The following FYB1 variants were observed in gnomAD, a reference collection of about 807,000 sequenced individuals.
FYB1 encodes FYN-binding protein 1.
Under a neutral mutation model 94.1 loss-of-function variants are expected in FYB1, and 41 were observed. That is an observed-to-expected ratio of 0.44 (90% confidence interval 0.34 to 0.57). The LOEUF (loss-of-function observed/expected upper bound fraction) is 0.57. FYB1 is among the 20% of genes least tolerant of loss of function. The pLI, the probability that FYB1 is intolerant of heterozygous loss-of-function variation, is 0.02. For missense variants in FYB1, 1,050 were observed against 976.8 expected, an observed-to-expected ratio of 1.07 and a Z score of -1.00; for synonymous variants, 367 against 353.2, an observed-to-expected ratio of 1.04 and a Z score of -0.44.
chr5:39,115,592 T>C (rs950479087), intron 16 of FYB1, among the ~76,000 whole-genome samples: 5 of 152,044 alleles, frequency 3.3e-5, no homozygotes, highest in African/African-American at 1.2e-4. Flanking sequence ...AGGGCAAAGA[T>C]AGACATATCA....
chr5:39,220,135 G>A (rs1325030925), upstream of FYB1, among the ~76,000 whole-genome samples: 2 of 152,138 alleles, frequency 1.3e-5, no homozygotes, highest in African/African-American at 2.4e-5. Context: ...GGGGCTGAGT[G>A]TAGTGGGTCA....
At chr5:39,258,154 T>TG (rs1752046253) in intron 1 of FYB1, among the ~76,000 whole-genome samples, 1 of 152,176 alleles carries the variant, frequency 6.6e-6, no homozygotes, top group Non-Finnish European at 1.5e-5. Flanking sequence ...CTTAATAGGT[T>TG]GGAGTAGGGG....
At chr5:39,159,132 G>A (rs1200710649) in intron 2 of FYB1, among the ~76,000 whole-genome samples, 1 of 152,146 alleles carries the variant, frequency 6.6e-6, no homozygotes, top group Non-Finnish European at 1.5e-5. Flanking sequence ...AGGCTGAGGG[G>A]TGCCACATAT....
intron 2 of FYB1, among the ~76,000 whole-genome samples, chr5:39,187,591 C>T (rs1274269723): frequency 6.6e-6 from 1 of 152,146 alleles, no homozygotes; most frequent in Admixed American, 6.5e-5. Context: ...GTGTTTTTAG[C>T]TCCTCTCATC....
intron 2 of FYB1, among the ~76,000 whole-genome samples, chr5:39,186,285 G>A (rs1032500160): frequency 1.3e-5 from 2 of 152,112 alleles, no homozygotes; most frequent in Non-Finnish European, 2.9e-5. Flanking sequence ...TTAGCTGGGC[G>A]TGGTGGCACA....
At chr5:39,165,752 C>T (rs1744669677) in intron 2 of FYB1, among the ~76,000 whole-genome samples, 2 of 152,144 alleles carry the variant, frequency 1.3e-5, no homozygotes, top group Admixed American at 6.5e-5. Context: ...ACAAAGGACT[C>T]ATATCCAGAA....
chr5:39,139,059 TGAC>T, intron 5 of FYB1, 171 bp downstream of exon 5: 1 of 671,592 alleles, frequency 1.5e-6, no homozygotes, highest in Non-Finnish European at 2.4e-6. Flanking sequence ...GTCAGTGTGA[TGAC>T]TAGTGTGTAA....
intron 7 of FYB1, among the ~76,000 whole-genome samples, chr5:39,135,644 C>T (rs1290930883): frequency 6.6e-6 from 1 of 152,134 alleles, no homozygotes; most frequent in East Asian, 1.9e-4. Context: ...TTTCTTGAAT[C>T]TTTTGATATG....
intron 1 of FYB1, among the ~76,000 whole-genome samples, chr5:39,234,820 C>T (rs970244725): frequency 1.1e-4 from 16 of 151,768 alleles, no homozygotes; most frequent in Non-Finnish European, 2.2e-4. Context: ...TGTTCTTACT[C>T]ATAAGTGGGA....
chr5:39,162,380 A>T (rs947468155), intron 2 of FYB1, among the ~76,000 whole-genome samples: 5 of 152,174 alleles, frequency 3.3e-5, no homozygotes, highest in Non-Finnish European at 7.4e-5. Flanking sequence ...AGGTCAAAAG[A>T]ACTGAGCATT....
chr5:39,182,705 T>C (rs1246031438), intron 2 of FYB1, among the ~76,000 whole-genome samples: 1 of 152,200 alleles, frequency 6.6e-6, no homozygotes, highest in Non-Finnish European at 1.5e-5. Context: ...ATGGGTGATG[T>C]CAAATATATT....
At chr5:39,224,392 G>A (rs73072554), upstream of FYB1, among the ~76,000 whole-genome samples, 1,526 of 152,258 alleles carry the variant, frequency 0.01, 24 homozygotes, top group African/African-American at 0.035. Context: ...TGCTCACCCA[G>A]GGAGTGGCCT....
intron 2 of FYB1, among the ~76,000 whole-genome samples, chr5:39,154,063 G>A (rs985146219): frequency 5.3e-5 from 8 of 152,124 alleles, no homozygotes; most frequent in Non-Finnish European, 1.2e-4. Context: ...TGGGATTACA[G>A]GTGTGAGCCA....
chr5:39,120,224 T>TTGTGTGTGTG (rs10532379), intron 14 of FYB1, among the ~76,000 whole-genome samples: 1 of 147,652 alleles, frequency 6.8e-6, no homozygotes, highest in African/African-American at 2.5e-5. Context: ...CCTTTATCAA[T>TTGTGTGTGTG]TGTGTGTGTG....
intron 2 of FYB1, among the ~76,000 whole-genome samples, chr5:39,181,151 C>A (rs988279733): frequency 6.6e-6 from 1 of 152,026 alleles, no homozygotes. Context: ...GAACAGAATA[C>A]GTATGATGTT....
intron 2 of FYB1, among the ~76,000 whole-genome samples, chr5:39,165,917 C>T (rs958082156): frequency 2.0e-5 from 3 of 152,026 alleles, no homozygotes; most frequent in South Asian, 2.1e-4. Context: ...AAATTAAAAC[C>T]GCAATGAGAT....
chr5:39,128,678 C>G (rs976973416), intron 10 of FYB1, among the ~76,000 whole-genome samples: 1 of 152,244 alleles, frequency 6.6e-6, no homozygotes, highest in Non-Finnish European at 1.5e-5. Context: ...AAGTGGCTTA[C>G]TCTGAGTCAC....
At chr5:39,239,387 T>C (rs186849790) in intron 1 of FYB1, among the ~76,000 whole-genome samples, 25 of 152,282 alleles carry the variant, frequency 1.6e-4, no homozygotes, top group Admixed American at 6.5e-4. Context: ...TGTTTGCAGA[T>C]GATATGATTG....
intron 1 of FYB1, among the ~76,000 whole-genome samples, chr5:39,226,691 G>T (rs991405287): frequency 6.6e-6 from 1 of 151,946 alleles, no homozygotes; most frequent in Non-Finnish European, 1.5e-5. Context: ...TATTTTCATG[G>T]GTGTGTTTAG....
Sources: gnomAD v4.1 joint callset for allele counts (sites outside exome capture counted in the v4.1 genomes callset) on GRCh38, gnomAD v4.1.1 for gene constraint, MANE v1.5 for transcripts, NCBI Gene and HGNC (gene_info 2026-07-23, HGNC 2026-07-21) for gene names.